HSD17B12: variants seen among roughly 807,000 people sequenced by gnomAD.
HSD17B12 encodes very-long-chain 3-oxoacyl-CoA reductase.
Under a neutral mutation model 39.3 loss-of-function variants are expected in HSD17B12, and 32 were observed. That is an observed-to-expected ratio of 0.81 (90% confidence interval 0.61 to 1.09). HSD17B12 has a LOEUF of 1.09. HSD17B12 is among the 50% of genes least tolerant of loss of function. The pLI is 0.00. For missense variants in HSD17B12, 342 were observed against 382.9 expected, an observed-to-expected ratio of 0.89 and a Z score of 0.89; for synonymous variants, 150 against 146.7, an observed-to-expected ratio of 1.02 and a Z score of -0.16.
At chr11:43,680,105 T>C (rs1372185200), upstream of HSD17B12, among the ~76,000 whole-genome samples, 1 of 151,846 alleles carries the variant, frequency 6.6e-6, no homozygotes, top group East Asian at 1.9e-4. Context: ...GGATGGAGTC[T>C]CACTCCGTCG....
chr11:43,753,556 T>A (rs1950484076), intron 2 of HSD17B12, among the ~76,000 whole-genome samples: 1 of 146,768 alleles, frequency 6.8e-6, no homozygotes, highest in African/African-American at 2.5e-5. Flanking sequence ...ACCCAGATAA[T>A]TAAAAAAAAA....
chr11:43,663,907 G>T, the HSD17B12 span, among the ~76,000 whole-genome samples: 2 of 151,600 alleles, frequency 1.3e-5, no homozygotes, highest in African/African-American at 4.9e-5. Context: ...CTGTTGCCCA[G>T]GCTGGAGTGC....
At chr11:43,813,761 T>G (rs1002458153) in intron 4 of HSD17B12, among the ~76,000 whole-genome samples, 14 of 152,284 alleles carry the variant, frequency 9.2e-5, no homozygotes, top group African/African-American at 3.1e-4. Context: ...AAAATAAAAA[T>G]GGATCTGGAC....
chr11:43,638,887 G>A, the HSD17B12 span, among the ~76,000 whole-genome samples: 9 of 152,216 alleles, frequency 5.9e-5, no homozygotes, highest in South Asian at 2.1e-4. Flanking sequence ...ACAGTTTCCC[G>A]AGACAGGGTT....
chr11:43,653,592 T>A, the HSD17B12 span, among the ~76,000 whole-genome samples: 1 of 152,110 alleles, frequency 6.6e-6, no homozygotes, highest in Non-Finnish European at 1.5e-5. Flanking sequence ...GATGTTCCTC[T>A]TCCTGTGTCC....
intron 6 of HSD17B12, among the ~76,000 whole-genome samples, chr11:43,820,727 G>T (rs962743869): frequency 3.3e-5 from 5 of 152,208 alleles, no homozygotes; most frequent in African/African-American, 1.2e-4. Flanking sequence ...TACATGACAG[G>T]GAATAACTGG....
intron 9 of HSD17B12, chr11:43,848,279 CA>C (rs1951498085): frequency 6.6e-6 from 1 of 152,144 alleles, no homozygotes; most frequent in African/African-American, 2.4e-5. Context: ...AGATCCCTTC[CA>C]ACCAGCTGAA....
At chr11:43,807,665 AGGAGGAG>A (rs1951032207) in intron 4 of HSD17B12, among the ~76,000 whole-genome samples, 4 of 152,196 alleles carry the variant, frequency 2.6e-5, no homozygotes, top group African/African-American at 9.6e-5. Context: ...AAGAATTGAT[AGGAGGAG>A]GCCAGTAAGA....
chr11:43,662,377 T>TTGTGCGTG, the HSD17B12 span, among the ~76,000 whole-genome samples: 1 of 128,524 alleles, frequency 7.8e-6, no homozygotes, highest in East Asian at 2.3e-4. Flanking sequence ...TTTATTTTAT[T>TTGTGCGTG]TGTGTGTGTG....
chr11:43,759,136 A>G (rs1462962327), intron 3 of HSD17B12, among the ~76,000 whole-genome samples: 2 of 152,210 alleles, frequency 1.3e-5, no homozygotes, highest in Non-Finnish European at 2.9e-5. Context: ...AAAGACAAAA[A>G]GAGGAAATGG....
At chr11:43,584,779 C>T in the HSD17B12 span, 1 of 152,298 alleles carries the variant, frequency 6.6e-6, no homozygotes, top group African/African-American at 2.4e-5. Flanking sequence ...GCCACAGATC[C>T]AGTGATTGGA....
At chr11:43,845,491 G>A (rs1951466762) in intron 9 of HSD17B12, among the ~76,000 whole-genome samples, 1 of 151,956 alleles carries the variant, frequency 6.6e-6, no homozygotes, top group African/African-American at 2.4e-5. Context: ...TTTAACCTGG[G>A]ATATATCTAA....
At chr11:43,800,577 G>T (rs910920851) in intron 4 of HSD17B12, among the ~76,000 whole-genome samples, 5 of 152,132 alleles carry the variant, frequency 3.3e-5, no homozygotes, top group Non-Finnish European at 5.9e-5. Flanking sequence ...GATTTTAGGC[G>T]TGACAGATCT....
chr11:43,629,268 C>A, the HSD17B12 span, among the ~76,000 whole-genome samples: 1 of 152,162 alleles, frequency 6.6e-6, no homozygotes, highest in African/African-American at 2.4e-5. Context: ...TTGCAATGAA[C>A]AACTTAGACA....
At chr11:43,761,949 G>A (rs1462168991) in intron 3 of HSD17B12, among the ~76,000 whole-genome samples, 1 of 152,176 alleles carries the variant, frequency 6.6e-6, no homozygotes, top group Non-Finnish European at 1.5e-5. Flanking sequence ...ATAAGGGAGT[G>A]GCATGGTAAC....
chr11:43,734,355 A>G, intron 1 of HSD17B12: 1 of 952,110 alleles, frequency 1.1e-6, no homozygotes, highest in South Asian at 1.3e-5. Context: ...GTGGTGGAAA[A>G]GGCTGAGCAG....
chr11:43,786,853 T>C (rs1435454491), intron 3 of HSD17B12, among the ~76,000 whole-genome samples: 1 of 152,218 alleles, frequency 6.6e-6, no homozygotes, highest in Non-Finnish European at 1.5e-5. Context: ...AACTGTATTA[T>C]TACTCCTGTC....
intron 1 of HSD17B12, among the ~76,000 whole-genome samples, chr11:43,746,630 T>G (rs1039620146): frequency 6.6e-6 from 1 of 152,224 alleles, no homozygotes; most frequent in African/African-American, 2.4e-5. Flanking sequence ...AGGAGTATAC[T>G]CTAATGTGAA....
At chr11:43,684,852 A>T (rs1378671280) in intron 1 of HSD17B12, among the ~76,000 whole-genome samples, 1 of 151,916 alleles carries the variant, frequency 6.6e-6, no homozygotes. Context: ...TAGGCCCTTC[A>T]CTCCCTGACC....
Sources: gnomAD v4.1 joint callset for allele counts (sites outside exome capture counted in the v4.1 genomes callset) on GRCh38, gnomAD v4.1.1 for gene constraint, MANE v1.5 for transcripts, NCBI Gene and HGNC (gene_info 2026-07-23, HGNC 2026-07-21) for gene names.